The following FRYL variants were observed in gnomAD, a reference collection of about 807,000 sequenced individuals.
The protein encoded by FRYL is FRY like transcription coactivator.
In FRYL, 150 loss-of-function variants were observed where a neutral mutation model predicts 351.2. That is an observed-to-expected ratio of 0.43 (90% CI 0.37 to 0.49). The LOEUF is 0.49. Among genes scored for constraint, FRYL ranks in the 20% least tolerant of loss-of-function variants. The probability of loss-of-function intolerance (pLI) is 0.00; values close to 1 mark genes in which losing one functional copy is unlikely to be tolerated. For missense variants in FRYL, 3,036 were observed against 3,619.3 expected (o/e 0.84, Z 4.13); for synonymous variants, 1,153 against 1,257.1 (o/e 0.92, Z 1.75).
intron 60 of FRYL, among the ~76,000 whole-genome samples, chr4:48,503,666 T>C (rs1412557416): frequency 6.6e-6 from 1 of 152,216 alleles, no homozygotes; most frequent in Admixed American, 6.5e-5. Context: ...TTAAGCCTGC[T>C]TTTCTAAATA....
intron 18 of FRYL, 73 bp downstream of exon 18, chr4:48,589,672 A>T: frequency 7.1e-7 from 1 of 1,405,784 alleles, no homozygotes; most frequent in South Asian, 1.3e-5. Context: ...GTAAGGAGAC[A>T]GGTAAGCAAG....
Position 48,549,773 on chromosome 4 carries a change from C to T in FRYL, c.4634-150G>A. The stretch of plus-strand genomic sequence containing the variant: ...AACATGTTTGCTAGGAAAATCTAGG[C>T]ACAAATATTATCAAATTAAGCAAAC... On this transcript the variant is annotated intron_variant, in intron 38 of 63. Transcript: ENST00000358350. This position sits in a 1 kb window ranked among gnomAD's most constrained non-coding sequence, Gnocchi z 4.2. The T allele has an allele frequency of 1.6e-6, 1 of 607,602 alleles. No individual in the cohort carries two copies. Among genetic ancestry groups the T allele is most frequent in the Non-Finnish European group, 2.8e-6 (1 of 361,126 alleles). 37.6% of individuals were successfully genotyped at this position (607,602 alleles called of 1,614,324 possible).
intron 47 of FRYL, among the ~76,000 whole-genome samples, chr4:48,537,411 C>T (rs561670792): frequency 1.4e-4 from 21 of 152,146 alleles, no homozygotes; most frequent in African/African-American, 4.3e-4. Context: ...TTTGCCATAA[C>T]GAATCACTAA....
chr4:48,579,457 T>C (rs1416052149), intron 22 of FRYL, among the ~76,000 whole-genome samples: 1 of 152,142 alleles, frequency 6.6e-6, no homozygotes, highest in African/African-American at 2.4e-5. Flanking sequence ...GATTCCACTG[T>C]TTTCATTATT....
chr4:48,543,429 G>C (rs1312230306), intron 44 of FRYL, among the ~76,000 whole-genome samples: 1 of 152,158 alleles, frequency 6.6e-6, no homozygotes, highest in Non-Finnish European at 1.5e-5. Flanking sequence ...TCATTCATCT[G>C]TACAAACTGA....
intron 3 of FRYL, among the ~76,000 whole-genome samples, chr4:48,663,098 C>T (rs1452114410): frequency 6.6e-6 from 1 of 151,876 alleles, no homozygotes; most frequent in Admixed American, 6.6e-5. Context: ...TTTAAATGTC[C>T]TTTCAAAGTT....
chr4:48,719,111 C>T (rs1246363623), intron 1 of FRYL, among the ~76,000 whole-genome samples: 1 of 151,606 alleles, frequency 6.6e-6, no homozygotes, highest in African/African-American at 2.4e-5. Context: ...TCACAAAACC[C>T]CCAGGCTTGG....
Position 48,498,050 on chromosome 4 carries a change from C to T in FRYL, c.*1372G>A, listed in dbSNP as rs1464753267. The stretch of plus-strand genomic sequence containing the variant: ...AAAATACAAGGTGTTTCTTTCAAAT[C>T]AGGAGTTGTGGGACTACATTCTTTT... On this transcript the variant is annotated 3_prime_UTR_variant, in exon 64 of 64. Transcript: ENST00000358350. 6.6e-6 allele frequency: 1 copy of T among 150,836 alleles called. No homozygotes were observed. The highest frequency in any genetic ancestry group is 1.5e-5 in the Non-Finnish European group (1 of 67,750). 9.3% of individuals were successfully genotyped at this position (150,836 alleles called of 1,614,324 possible).
chr4:48,753,696 AG>A (rs1773480748), intron 1 of FRYL, among the ~76,000 whole-genome samples: 1 of 152,148 alleles, frequency 6.6e-6, no homozygotes, highest in Non-Finnish European at 1.5e-5. Context: ...GTCTTATTTA[AG>A]AAAGTTTTGC....
At chr4:48,734,866 T>C (rs529181378) in intron 1 of FRYL, among the ~76,000 whole-genome samples, 1 of 152,114 alleles carries the variant, frequency 6.6e-6, no homozygotes, top group African/African-American at 2.4e-5. Flanking sequence ...CCATAAAAAC[T>C]CTAGAAGAAA....
At chr4:48,604,467 G>A (rs1373648310) in intron 11 of FRYL, among the ~76,000 whole-genome samples, 2 of 152,206 alleles carry the variant, frequency 1.3e-5, no homozygotes, top group Non-Finnish European at 2.9e-5. Flanking sequence ...TAATCCACAT[G>A]ACTGGTGTCC....
intron 1 of FRYL, among the ~76,000 whole-genome samples, chr4:48,728,220 T>A (rs1209372174): frequency 6.6e-6 from 1 of 152,186 alleles, no homozygotes; most frequent in African/African-American, 2.4e-5. Context: ...AAAACAACTC[T>A]GATTAACATG....
intron 2 of FRYL, among the ~76,000 whole-genome samples, chr4:48,692,917 TG>T (rs1765805115): frequency 6.6e-6 from 1 of 152,216 alleles, no homozygotes; most frequent in South Asian, 2.1e-4. Context: ...TAAGTAATAT[TG>T]TAGTGAATAC....
intron 1 of FRYL, among the ~76,000 whole-genome samples, chr4:48,761,350 T>A (rs1578956242): frequency 1.3e-5 from 2 of 152,282 alleles, no homozygotes; most frequent in East Asian, 3.9e-4. Context: ...TGATTATAAT[T>A]GGTCCCACAA....
At chr4:48,616,897 G>C (rs1256760521) in intron 7 of FRYL, among the ~76,000 whole-genome samples, 1 of 152,044 alleles carries the variant, frequency 6.6e-6, no homozygotes, top group South Asian at 2.1e-4. Flanking sequence ...TTACTCTCTG[G>C]ATCTATTAAA....
intron 17 of FRYL, 134 bp from the exon 18 acceptor site, chr4:48,590,011 T>C: frequency 1.4e-6 from 1 of 702,096 alleles, no homozygotes; most frequent in East Asian, 2.7e-5. Flanking sequence ...CTGTGACATA[T>C]TCTTCTCCCT....
intron 20 of FRYL, 118 bp from the exon 21 acceptor site, chr4:48,581,723 CA>C (rs1368994359): frequency 2.6e-6 from 2 of 758,672 alleles, no homozygotes; most frequent in African/African-American, 3.5e-5. Flanking sequence ...TGCCTCAGCT[CA>C]AGCAATGTAA....
In FRYL at chr4:48,501,562, GATTTT is replaced by G. The variant is rs772490168; in HGVS notation, c.8592+56_8592+60del. The stretch of plus-strand genomic sequence containing the variant: ...ACTTAAGCTATTTTAACAAGTAATA[GATTTT>G]ATTTTAAAATTTTTTTAGAATCAGT... On this transcript the variant is annotated intron_variant, in intron 62 of 63. Coordinates refer to ENST00000358350, the MANE Select transcript of FRYL (RefSeq NM_015030.2). 7.8e-6 allele frequency: 7 copies of G among 898,308 alleles called. No homozygotes were observed. The East Asian group carries it at 9.8e-5, about 13-fold the overall frequency. 55.6% of individuals were successfully genotyped at this position (898,308 alleles called of 1,614,324 possible). A position where few individuals can be genotyped will look rare whatever the true frequency, so the allele number is the denominator to read the frequency against.
At chr4:48,611,622 C>T (rs1197294910) in intron 7 of FRYL, among the ~76,000 whole-genome samples, 1 of 151,948 alleles carries the variant, frequency 6.6e-6, no homozygotes, top group African/African-American at 2.4e-5. Context: ...CTATTCTTGG[C>T]CCATTGTTCT....
Sources: gnomAD v4.1 joint callset for allele counts (sites outside exome capture counted in the v4.1 genomes callset) on GRCh38, gnomAD v4.1.1 for gene constraint, Gnocchi (gnomAD v3.1) non-coding constraint, MANE v1.5 for transcripts, NCBI Gene and HGNC (gene_info 2026-07-23, HGNC 2026-07-21) for gene names.